Variants in TRPC4AP observed in about 807,000 individuals in gnomAD.
The protein encoded by TRPC4AP is short transient receptor potential channel 4-associated protein.
Under a neutral mutation model 99.0 loss-of-function variants are expected in TRPC4AP, and 45 were observed. The observed-to-expected ratio is 0.45, with a 90% CI of 0.36 to 0.58. The LOEUF is 0.58. Ranked by LOEUF, TRPC4AP falls within the 20% of genes least tolerant of loss-of-function variation. TRPC4AP has a pLI of 0.00. For missense variants in TRPC4AP, 879 were observed against 985.3 expected, an observed-to-expected ratio of 0.89 and a Z score of 1.44; for synonymous variants, 408 against 385.8, an observed-to-expected ratio of 1.06 and a Z score of -0.67.
chr20:35,023,062 T>C (rs1469730829), intron 8 of TRPC4AP, among the ~76,000 whole-genome samples: 1 of 151,298 alleles, frequency 6.6e-6, no homozygotes, highest in Non-Finnish European at 1.5e-5. Context: ...ACTTACTCTA[T>C]CCTACAGACT....
intron 8 of TRPC4AP, among the ~76,000 whole-genome samples, chr20:35,032,525 G>A (rs1203526831): frequency 8.0e-6 from 1 of 125,598 alleles, no homozygotes; most frequent in African/African-American, 3.1e-5. Context: ...AGGCTGAAAT[G>A]CAGTGGCAGG....
At chr20:35,086,429 ATATGTGTG>A (rs1301237202) in intron 1 of TRPC4AP, among the ~76,000 whole-genome samples, 82 of 117,798 alleles carry the variant, frequency 7.0e-4, no homozygotes, top group African/African-American at 4.5e-4. Flanking sequence ...AATGAATGGC[ATATGTGTG>A]TGTGTGTGTG....
intron 5 of TRPC4AP, among the ~76,000 whole-genome samples, chr20:35,054,578 T>C (rs2083781967): frequency 6.6e-6 from 1 of 152,230 alleles, no homozygotes; most frequent in Admixed American, 6.5e-5. Flanking sequence ...AGTAGAGTCC[T>C]GCTCAATATA....
At chr20:35,051,616 A>T (rs1308002856) in intron 5 of TRPC4AP, among the ~76,000 whole-genome samples, 1 of 121,228 alleles carries the variant, frequency 8.2e-6, no homozygotes, top group Non-Finnish European at 1.6e-5. Context: ...CTGACACATT[A>T]AAAAAAAAAA....
At chr20:35,064,227 G>T (rs1429342305) in intron 3 of TRPC4AP, among the ~76,000 whole-genome samples, 2 of 152,146 alleles carry the variant, frequency 1.3e-5, no homozygotes, top group African/African-American at 4.8e-5. Context: ...AGAACAAAAA[G>T]AAAAATTCTT....
At chr20:35,086,547 G>GTGTATA (rs2084882604) in intron 1 of TRPC4AP, among the ~76,000 whole-genome samples, 4 of 107,042 alleles carry the variant, frequency 3.7e-5, no homozygotes, top group East Asian at 5.2e-4. Context: ...GTGTGTGTGT[G>GTGTATA]TGTGTGTGTG....
chr20:35,051,558 A>C (rs1848922125), intron 5 of TRPC4AP, among the ~76,000 whole-genome samples: 1 of 151,984 alleles, frequency 6.6e-6, no homozygotes, highest in South Asian at 2.1e-4. Context: ...ACACTAAAGA[A>C]AGCAATCTCC....
chr20:35,092,805 A>C lies in TRPC4AP; in HGVS notation c.-24T>G. 6.7e-7 allele frequency: 1 copy of C among 1,500,342 alleles called. No individual in the cohort carries two copies. Among genetic ancestry groups the C allele is most frequent in the Non-Finnish European group, 8.8e-7 (1 of 1,136,312 alleles). The allele number at this position is 1,500,342 out of a possible 1,614,324, so 92.9% of individuals were successfully genotyped here. A position where few individuals can be genotyped will look rare whatever the true frequency, so the allele number is the denominator to read the frequency against. On this transcript the variant is annotated 5_prime_UTR_variant, in exon 1 of 19. Transcript: ENST00000252015. ...ATGTCTCCTCGTCGGACAAACAGGA[A>C]GCAAGCGGCCTCGGGGCCGCGGAGA...
chr20:35,083,159 CATGA>C (rs1273965163), intron 1 of TRPC4AP, among the ~76,000 whole-genome samples: 3 of 152,112 alleles, frequency 2.0e-5, no homozygotes, highest in Admixed American at 6.5e-5. Flanking sequence ...CAGCAATATA[CATGA>C]ATAATATAAA....
In TRPC4AP at chr20:35,069,289, T is replaced by G; in HGVS notation, c.414+7A>C. The G allele has an allele frequency of 4.7e-6, 7 of 1,503,714 alleles. No individual in the cohort carries two copies. Among genetic ancestry groups the G allele is most frequent in the Non-Finnish European group, 6.5e-6 (7 of 1,084,088 alleles). 93.1% of individuals were successfully genotyped at this position (1,503,714 alleles called of 1,614,324 possible). On this transcript the variant is annotated splice_region_variant and intron_variant, in intron 3 of 18. Transcript: ENST00000252015. The stretch of plus-strand genomic sequence containing the variant: ...AACAGCAGTAGTAATAATAAATAGC[T>G]ACTTACATCAACACCTCCAAACAAG...
At chr20:35,019,664 C>T (rs567314277) in intron 9 of TRPC4AP, among the ~76,000 whole-genome samples, 2 of 152,256 alleles carry the variant, frequency 1.3e-5, no homozygotes, top group East Asian at 1.9e-4. Flanking sequence ...ATATAAGCAA[C>T]TGCGAAAGTG....
chr20:35,041,213 T>C (rs558439935), intron 7 of TRPC4AP, among the ~76,000 whole-genome samples: 2 of 115,118 alleles, frequency 1.7e-5, no homozygotes, highest in African/African-American at 6.3e-5. Flanking sequence ...TACACACACC[T>C]GAGATAAAGG....
At chr20:35,059,845 G>A (rs917778465) in intron 3 of TRPC4AP, among the ~76,000 whole-genome samples, 1 of 151,322 alleles carries the variant, frequency 6.6e-6, no homozygotes, top group South Asian at 2.1e-4. Context: ...CAAAGAAGAC[G>A]AAGATGAAGA....
chr20:35,044,069 G>A (rs1007376090), intron 7 of TRPC4AP, among the ~76,000 whole-genome samples: 2 of 152,056 alleles, frequency 1.3e-5, no homozygotes, highest in Non-Finnish European at 2.9e-5. Context: ...CATACTAGGA[G>A]CCTTCACATG....
intron 3 of TRPC4AP, among the ~76,000 whole-genome samples, chr20:35,067,630 C>A (rs1463984273): frequency 1.3e-5 from 2 of 152,094 alleles, no homozygotes; most frequent in African/African-American, 4.8e-5. Flanking sequence ...TGCCTCTCAA[C>A]AAATAAAAAA....
chr20:35,045,547 A>AT lies in TRPC4AP; in HGVS notation c.658-836dup, dbSNP rs1042561514. Among the ~76,000 whole-genome samples, 221 of 147,886 alleles carry AT rather than the reference A, an allele frequency of 1.5e-3. 2 individuals are homozygous for AT. The Middle Eastern group carries it at 0.025, about 17-fold the overall frequency. On this transcript the variant is annotated intron_variant, in intron 6 of 18. Coordinates refer to ENST00000252015, the MANE Select transcript of TRPC4AP (RefSeq NM_015638.3). ...CATTACACCTGGCTACTTTTTTAAT[A>AT]TTTTTTTTTTTGAGATGGTATCTCA...
intron 2 of TRPC4AP, among the ~76,000 whole-genome samples, chr20:35,073,866 C>A (rs1467215177): frequency 1.3e-5 from 2 of 152,168 alleles, no homozygotes; most frequent in Non-Finnish European, 2.9e-5. Flanking sequence ...CTTTGTACCT[C>A]TGGTAGAATT....
intron 3 of TRPC4AP, among the ~76,000 whole-genome samples, chr20:35,063,073 T>C (rs1224910378): frequency 6.6e-6 from 1 of 152,242 alleles, no homozygotes; most frequent in Non-Finnish European, 1.5e-5. Context: ...GACTGGATCA[T>C]GGAGGCAGGT....
At chr20:35,092,182 G>C (rs2085087605) in intron 1 of TRPC4AP, among the ~76,000 whole-genome samples, 3 of 152,190 alleles carry the variant, frequency 2.0e-5, no homozygotes, top group Admixed American at 2.0e-4. Flanking sequence ...GTCAAGGAAA[G>C]GCCTGAGAAA....
Sources: gnomAD v4.1 joint callset for allele counts (sites outside exome capture counted in the v4.1 genomes callset) on GRCh38, gnomAD v4.1.1 for gene constraint, MANE v1.5 for transcripts, NCBI Gene and HGNC (gene_info 2026-07-23, HGNC 2026-07-21) for gene names.